PTDSS1: variants seen among roughly 807,000 people sequenced by gnomAD.
PTDSS1 encodes PSS-1.
A neutral mutation model predicts 70.5 loss-of-function variants in PTDSS1; 45 were observed. That is an observed-to-expected ratio of 0.64 (90% CI 0.50 to 0.82). PTDSS1 has a LOEUF of 0.82. PTDSS1 is among the 40% of genes least tolerant of loss of function. PTDSS1 has a pLI of 0.00. For synonymous variants in PTDSS1, 188 were observed against 203.8 expected (o/e 0.92, Z 0.66); for missense variants, 417 against 586.1 (o/e 0.71, Z 2.98).
At chr8:96,319,662 G>A (rs1272163106) in intron 9 of PTDSS1, among the ~76,000 whole-genome samples, 1 of 152,040 alleles carries the variant, frequency 6.6e-6, no homozygotes, top group East Asian at 1.9e-4. Context: ...CTCTTGGAAG[G>A]GTCAAACTCA....
chr8:96,262,290 A>AGGGGGGGGGTGGGGGGGGGGGGGGGT lies in PTDSS1; in HGVS notation c.179+77_179+78insGGGTGGGGGGGGGGGGGGGTGGGGGG. On this transcript the variant is annotated intron_variant, in intron 1 of 12. Transcript: ENST00000517309. This position sits in a 1 kb window ranked among gnomAD's most constrained non-coding sequence, Gnocchi z 4.4. ...AGAGGCGGGAGGGAGGGTGGCGGGG[A>AGGGGGGGGGTGGGGGGGGGGGGGGGT]GGGGGGCCCGGCATGGCTCTGGGTG... is the stretch of plus-strand genomic sequence containing the variant. 2.6e-6 allele frequency: 1 copy of AGGGGGGGGGTGGGGGGGGGGGGGGGT among 387,402 alleles called. No individual in the cohort carries two copies. The highest frequency in any genetic ancestry group is 2.4e-5 in the African/African-American group (1 of 42,336). The allele number at this position is 387,402 out of a possible 1,614,324, so 24.0% of individuals were successfully genotyped here.
chr8:96,293,865 G>A (rs1810940590), intron 4 of PTDSS1, among the ~76,000 whole-genome samples: 1 of 151,450 alleles, frequency 6.6e-6, no homozygotes, highest in African/African-American at 2.5e-5. Flanking sequence ...TTGACTGGAC[G>A]TGGCCCTGCT....
intron 1 of PTDSS1, among the ~76,000 whole-genome samples, chr8:96,264,619 C>T (rs562272029): frequency 6.6e-6 from 1 of 152,074 alleles, no homozygotes; most frequent in African/African-American, 2.4e-5. Context: ...TAATGAGAAG[C>T]AAGAATGAGC....
intron 10 of PTDSS1, among the ~76,000 whole-genome samples, chr8:96,328,610 G>A (rs1056032988): frequency 2.6e-5 from 4 of 152,152 alleles, no homozygotes; most frequent in Non-Finnish European, 4.4e-5. Context: ...CTCTCTCCAC[G>A]CTGCCACTGT....
intron 3 of PTDSS1, 35 bp from the exon 4 acceptor site, chr8:96,286,986 CT>C: frequency 6.2e-7 from 1 of 1,611,922 alleles, no homozygotes; most frequent in Non-Finnish European, 8.5e-7. Context: ...ACTATTGGAT[CT>C]CTTCTAAACT....
rs112631100 is a variant in PTDSS1, at chr8:96,334,213, G to A, written c.*647G>A. ...CCTGTAAGACCTCCTACCACATGGC[G>A]AGTATACACCAATCAGGAGAGGGTA... is the stretch of plus-strand genomic sequence containing the variant. On this transcript the variant is annotated 3_prime_UTR_variant, in exon 13 of 13. Coordinates refer to ENST00000517309, the MANE Select transcript of PTDSS1 (RefSeq NM_014754.3). 439 of 171,568 alleles carry A rather than the reference G, an allele frequency of 2.6e-3. 2 individuals carry two copies. Among genetic ancestry groups the A allele is most frequent in the Admixed American group, 4.7e-3 (79 of 16,678 alleles). 10.6% of individuals were successfully genotyped at this position (171,568 alleles called of 1,614,324 possible).
intron 9 of PTDSS1, 43 bp from the exon 10 acceptor site, chr8:96,320,203 G>GT (rs1428786637): frequency 1.3e-6 from 2 of 1,491,260 alleles, no homozygotes; most frequent in African/African-American, 2.8e-5. Flanking sequence ...GTATGCTCTG[G>GT]TAAGATGGAT....
chr8:96,263,896 T>C (rs1810450434), intron 1 of PTDSS1, among the ~76,000 whole-genome samples: 1 of 152,254 alleles, frequency 6.6e-6, no homozygotes, highest in Non-Finnish European at 1.5e-5. Context: ...ATCACACTTG[T>C]TCCTTACCTC....
intron 9 of PTDSS1, among the ~76,000 whole-genome samples, chr8:96,310,147 A>T (rs1811187143): frequency 6.6e-6 from 1 of 150,614 alleles, no homozygotes; most frequent in African/African-American, 2.4e-5. Context: ...AAACAAACAG[A>T]CAAAAAGAAA....
Position 96,262,029 on chromosome 8 carries a change from G to T in PTDSS1, c.-12G>T, listed in dbSNP as rs750988837. The T allele has an allele frequency of 6.2e-6, 10 of 1,609,310 alleles. No individual in the cohort carries two copies. Among genetic ancestry groups the T allele is most frequent in the Non-Finnish European group, 8.5e-6 (10 of 1,177,506 alleles). On this transcript the variant is annotated 5_prime_UTR_variant, in exon 1 of 13. Coordinates refer to ENST00000517309, the MANE Select transcript of PTDSS1 (RefSeq NM_014754.3). This position sits in a 1 kb window ranked among gnomAD's most constrained non-coding sequence, Gnocchi z 4.4. ...GGGCCGCCGCCACCGCGGCAGGACGGGGAGGCGGGCCATGGCGTCCTGCGT... is the reference window on the plus strand; with the variant it reads ...GGGCCGCCGCCACCGCGGCAGGACGTGGAGGCGGGCCATGGCGTCCTGCGT...
chr8:96,314,701 G>A (rs774537873), intron 9 of PTDSS1, among the ~76,000 whole-genome samples: 47 of 152,090 alleles, frequency 3.1e-4, no homozygotes, highest in African/African-American at 9.7e-5. Flanking sequence ...GGTTCATGCC[G>A]TTCTCCTGCC....
In PTDSS1 at chr8:96,262,964, C is replaced by T. The variant is rs1810432326; in HGVS notation, c.179+745C>T. Among the ~76,000 whole-genome samples the T allele has an allele frequency of 6.6e-6, 1 of 152,186 alleles. No individual in the cohort carries two copies. The highest frequency in any genetic ancestry group is 1.5e-5 in the Non-Finnish European group (1 of 68,042). On this transcript the variant is annotated intron_variant, in intron 1 of 12. Coordinates refer to ENST00000517309, the MANE Select transcript of PTDSS1 (RefSeq NM_014754.3). The surrounding 1 kb of genome is among the most constrained non-coding windows in gnomAD (Gnocchi z 4.4). ...GTACATGGCTGCACAGACACCAGCC[C>T]GCCACACATCACGCGGTGCATACCC...
chr8:96,269,186 C>T (rs1810527467), intron 1 of PTDSS1, among the ~76,000 whole-genome samples: 1 of 152,226 alleles, frequency 6.6e-6, no homozygotes, highest in Non-Finnish European at 1.5e-5. Context: ...TAATAGCAAT[C>T]TTGACCTACA....
chr8:96,330,078 C>A, intron 10 of PTDSS1, 135 bp from the exon 11 acceptor site: 2 of 782,384 alleles, frequency 2.6e-6, no homozygotes, highest in South Asian at 1.6e-5. Context: ...TGATCTCTGC[C>A]ACGTCCAGCC....
intron 2 of PTDSS1, among the ~76,000 whole-genome samples, chr8:96,274,125 G>A: frequency 6.6e-6 from 1 of 150,816 alleles, no homozygotes; most frequent in Non-Finnish European, 1.5e-5. Context: ...ACTTCTAAAC[G>A]CTCACTCTTG....
chr8:96,293,700 C>T (rs891414453), intron 4 of PTDSS1, among the ~76,000 whole-genome samples: 3 of 152,232 alleles, frequency 2.0e-5, no homozygotes, highest in African/African-American at 7.2e-5. Flanking sequence ...AAGCATAGAG[C>T]TACTTAATAG....
At chr8:96,332,636 C>T (rs1263619073) in intron 12 of PTDSS1, among the ~76,000 whole-genome samples, 1 of 152,182 alleles carries the variant, frequency 6.6e-6, no homozygotes, top group Non-Finnish European at 1.5e-5. Context: ...AGGTTCTCCA[C>T]TGAAGAGAAT....
chr8:96,293,824 G>C (rs1810939896), intron 4 of PTDSS1, among the ~76,000 whole-genome samples: 1 of 152,228 alleles, frequency 6.6e-6, no homozygotes, highest in Admixed American at 6.5e-5. Context: ...CCAGAGTAAA[G>C]AAGAGGGTGG....
intron 9 of PTDSS1, among the ~76,000 whole-genome samples, chr8:96,312,089 G>A (rs750777673): frequency 3.1e-4 from 47 of 152,190 alleles, no homozygotes; most frequent in Non-Finnish European, 4.3e-4. Context: ...CAGAGAGAGA[G>A]GTCGCATCAT....
Sources: gnomAD v4.1 joint callset for allele counts (sites outside exome capture counted in the v4.1 genomes callset) on GRCh38, gnomAD v4.1.1 for gene constraint, Gnocchi (gnomAD v3.1) non-coding constraint, MANE v1.5 for transcripts, NCBI Gene and HGNC (gene_info 2026-07-23, HGNC 2026-07-21) for gene names.